Variants in PPP1R1C observed in about 807,000 individuals in gnomAD.
PPP1R1C encodes the protein protein phosphatase 1 regulatory inhibitor subunit 1C, also known as protein phosphatase 1 regulatory subunit 1C.
PPP1R1C carries 15 observed loss-of-function variants against 17.4 expected under a neutral mutation model. The ratio of observed to expected loss-of-function variants is 0.86; its 90% CI spans 0.58 to 1.33. The LOEUF is 1.33. Ranked by LOEUF, PPP1R1C falls within the 40% of genes most tolerant of loss-of-function variation. The pLI is 0.00. For missense variants in PPP1R1C, 143 were observed against 130.0 expected, an observed-to-expected ratio of 1.10 and a Z score of -0.48; for synonymous variants, 35 against 43.1, an observed-to-expected ratio of 0.81 and a Z score of 0.73.
chr2:181,959,862 G>A (rs917491883), intron 1 of PPP1R1C, among the ~76,000 whole-genome samples: 5 of 152,010 alleles, frequency 3.3e-5, no homozygotes, highest in African/African-American at 4.8e-5. Flanking sequence ...AGTGTTTTAG[G>A]ACTCTGCAGT....
chr2:181,958,787 C>T (rs545083695), intron 1 of PPP1R1C, among the ~76,000 whole-genome samples: 1 of 152,348 alleles, frequency 6.6e-6, no homozygotes, highest in East Asian at 1.9e-4. Flanking sequence ...GATGCATCCA[C>T]ATTGTAGCAT....
intron 2 of PPP1R1C, among the ~76,000 whole-genome samples, chr2:182,016,917 T>G (rs1433854250): frequency 1.3e-5 from 2 of 152,228 alleles, no homozygotes; most frequent in African/African-American, 4.8e-5. Flanking sequence ...GTATCTAATT[T>G]GTGTGATTCA....
At chr2:182,007,253 C>T (rs986216614) in intron 2 of PPP1R1C, among the ~76,000 whole-genome samples, 9 of 152,226 alleles carry the variant, frequency 5.9e-5, no homozygotes, top group Non-Finnish European at 1.0e-4. Context: ...GGTCTATCTA[C>T]GTATACACTA....
intron 2 of PPP1R1C, among the ~76,000 whole-genome samples, chr2:182,000,146 T>C (rs987766046): frequency 6.6e-6 from 1 of 152,166 alleles, no homozygotes; most frequent in African/African-American, 2.4e-5. Flanking sequence ...CCAGGCTTGT[T>C]CTACCAGCTA....
intron 1 of PPP1R1C, among the ~76,000 whole-genome samples, chr2:181,969,545 C>A (rs1162751963): frequency 2.0e-5 from 3 of 152,016 alleles, no homozygotes; most frequent in Non-Finnish European, 4.4e-5. Flanking sequence ...TTTCTTTATC[C>A]TAGACCTTTG....
intron 2 of PPP1R1C, among the ~76,000 whole-genome samples, chr2:181,989,885 TGG>T (rs1685408850): frequency 6.6e-6 from 1 of 152,156 alleles, no homozygotes; most frequent in Non-Finnish European, 1.5e-5. Flanking sequence ...GTATAGGACT[TGG>T]ATAAGTGTGC....
chr2:181,956,305 G>A (rs1222290754), intron 1 of PPP1R1C, among the ~76,000 whole-genome samples: 1 of 152,138 alleles, frequency 6.6e-6, no homozygotes, highest in Non-Finnish European at 1.5e-5. Context: ...TCATTGATGG[G>A]CATTTGGGTT....
chr2:182,027,939 G>A (rs1282548167), intron 2 of PPP1R1C, among the ~76,000 whole-genome samples: 1 of 131,352 alleles, frequency 7.6e-6, no homozygotes, highest in Non-Finnish European at 1.6e-5. Flanking sequence ...TTTAGTCTTG[G>A]GAGAGTGTAT....
intron 4 of PPP1R1C, 31 bp downstream of exon 4, chr2:182,063,822 T>C (rs753545833): frequency 1.3e-6 from 2 of 1,572,942 alleles, no homozygotes; most frequent in South Asian, 2.2e-5. Context: ...CGGGTTGTCA[T>C]GAGTGGTGAA....
intron 2 of PPP1R1C, among the ~76,000 whole-genome samples, chr2:182,020,228 T>G (rs1686377621): frequency 2.0e-5 from 3 of 152,208 alleles, no homozygotes; most frequent in African/African-American, 7.2e-5. Flanking sequence ...TGATTCCTGA[T>G]AAGTAAGATC....
At chr2:181,991,846 G>A (rs1685482548) in intron 2 of PPP1R1C, among the ~76,000 whole-genome samples, 1 of 152,032 alleles carries the variant, frequency 6.6e-6, no homozygotes, top group South Asian at 2.1e-4. Flanking sequence ...TGTATAATCT[G>A]TAGTGAACTG....
chr2:182,080,907 G>A (rs1196153), intron 4 of PPP1R1C, among the ~76,000 whole-genome samples: 152,156 of 152,320 alleles, frequency 1, 75,996 homozygotes, highest in Middle Eastern at 1. Flanking sequence ...TAAGGTTTTC[G>A]TAAAAATGAA....
At chr2:182,127,870 A>G (rs1051772823) in intron 5 of PPP1R1C, among the ~76,000 whole-genome samples, 2 of 151,994 alleles carry the variant, frequency 1.3e-5, no homozygotes, top group Non-Finnish European at 2.9e-5. Flanking sequence ...TAAGGCATTT[A>G]AATGAACCAC....
At chr2:182,047,912 A>G (rs575971031) in intron 2 of PPP1R1C, among the ~76,000 whole-genome samples, 13 of 152,274 alleles carry the variant, frequency 8.5e-5, no homozygotes, top group African/African-American at 2.9e-4. Flanking sequence ...TTCTTTTTGA[A>G]TAAATCAACA....
chr2:182,011,073 T>C (rs1686076330), intron 2 of PPP1R1C, among the ~76,000 whole-genome samples: 1 of 152,066 alleles, frequency 6.6e-6, no homozygotes, highest in African/African-American at 2.4e-5. Flanking sequence ...TATTGGCCTG[T>C]AGTTTTCTTT....
At chr2:182,019,497 C>A (rs917250358) in intron 2 of PPP1R1C, among the ~76,000 whole-genome samples, 2 of 152,182 alleles carry the variant, frequency 1.3e-5, no homozygotes, top group African/African-American at 2.4e-5. Flanking sequence ...TACAATGGTA[C>A]TATGCTGTTT....
At position 181,957,778 on chromosome 2, in the gene PPP1R1C, C is replaced by T. The variant is rs1243645992; in HGVS notation, n.111+3144C>T. Among the ~76,000 whole-genome samples, 1 of 152,258 alleles carries T rather than the reference C, an allele frequency of 6.6e-6. No homozygotes were observed. Among genetic ancestry groups the T allele is most frequent in the East Asian group, 1.9e-4 (1 of 5,182 alleles). ...GACTTTTCTGAACACCACGCCTTAC[C>T]CCATACTCATCAGCCAATGTTGATT... On this transcript the variant is annotated intron_variant and non_coding_transcript_variant, in intron 1 of 5. Transcript: ENST00000464264. The surrounding 1 kb of genome is among the most constrained non-coding windows in gnomAD (Gnocchi z 4.2).
intron 2 of PPP1R1C, among the ~76,000 whole-genome samples, chr2:182,025,226 A>C (rs1316946812): frequency 6.8e-6 from 1 of 147,482 alleles, no homozygotes; most frequent in Non-Finnish European, 1.5e-5. Flanking sequence ...TTTTTATTAT[A>C]CTTTAAGTTT....
chr2:182,034,143 G>A (rs1686929338), intron 2 of PPP1R1C, among the ~76,000 whole-genome samples: 1 of 152,138 alleles, frequency 6.6e-6, no homozygotes, highest in Non-Finnish European at 1.5e-5. Context: ...TGCCTACTAT[G>A]TCTAGGAAAC....
Sources: gnomAD v4.1 joint callset for allele counts (sites outside exome capture counted in the v4.1 genomes callset) on GRCh38, gnomAD v4.1.1 for gene constraint, Gnocchi (gnomAD v3.1) non-coding constraint, MANE v1.5 for transcripts, NCBI Gene and HGNC (gene_info 2026-07-23, HGNC 2026-07-21) for gene names.